Variants in GPR55 observed in about 807,000 individuals in gnomAD.
The protein encoded by GPR55 is G protein-coupled receptor 55, also known as G-protein coupled receptor 55.
A neutral mutation model predicts 7.9 loss-of-function variants in GPR55; 6 were observed. That is an observed-to-expected ratio of 0.76 (90% CI 0.41 to 1.49). The LOEUF (loss-of-function observed/expected upper bound fraction) is 1.49. Ranked by LOEUF, GPR55 falls within the 40% of genes most tolerant of loss-of-function variation. GPR55 has a pLI of 0.01. For missense variants in GPR55, 376 were observed against 406.0 expected (o/e 0.93, Z 0.63); for synonymous variants, 183 against 166.8 (o/e 1.10, Z -0.75).
At chr2:230,938,235 C>T (rs913975347) in intron 1 of GPR55, among the ~76,000 whole-genome samples, 2 of 149,644 alleles carry the variant, frequency 1.3e-5, no homozygotes, top group African/African-American at 4.9e-5. Flanking sequence ...TAAAAAGAAG[C>T]CGGCCAGGCA....
intron 1 of GPR55, among the ~76,000 whole-genome samples, chr2:230,953,614 G>A (rs951518755): frequency 2.0e-5 from 3 of 152,170 alleles, no homozygotes; most frequent in African/African-American, 7.2e-5. Flanking sequence ...TAATAAATTT[G>A]TGTTATTTTA....
At chr2:230,935,734 G>T (rs769516242) in intron 1 of GPR55, among the ~76,000 whole-genome samples, 5 of 152,340 alleles carry the variant, frequency 3.3e-5, no homozygotes, top group Admixed American at 2.0e-4. Flanking sequence ...TGGAGATACA[G>T]GTTCAGTATC....
At chr2:230,925,656 G>A (rs758439322), upstream of GPR55, among the ~76,000 whole-genome samples, 44 of 152,276 alleles carry the variant, frequency 2.9e-4, no homozygotes, top group Admixed American at 7.2e-4. Context: ...CACTTTGGGG[G>A]TTTAGGATTT....
chr2:230,940,004 A>G (rs993571626), intron 1 of GPR55, among the ~76,000 whole-genome samples: 6 of 152,114 alleles, frequency 3.9e-5, no homozygotes, highest in Admixed American at 2.0e-4. Context: ...TGCCACCCCC[A>G]GTAGGCCCAA....
intron 1 of GPR55, among the ~76,000 whole-genome samples, chr2:230,917,063 T>C (rs1341535965): frequency 6.6e-6 from 1 of 152,220 alleles, no homozygotes; most frequent in Non-Finnish European, 1.5e-5. Flanking sequence ...ATAACTAGCC[T>C]TGTAGAATTG....
intron 1 of GPR55, among the ~76,000 whole-genome samples, chr2:230,931,979 C>G (rs1021372178): frequency 6.6e-6 from 1 of 152,118 alleles, no homozygotes; most frequent in Non-Finnish European, 1.5e-5. Context: ...CACCCCAGCC[C>G]GGTCCCGTCG....
upstream of GPR55, among the ~76,000 whole-genome samples, chr2:230,929,196 C>T (rs535804192): frequency 7.9e-5 from 12 of 152,200 alleles, no homozygotes; most frequent in African/African-American, 2.4e-4. Context: ...CTCCCCTGCA[C>T]GGTCAGCTGG....
intron 1 of GPR55, among the ~76,000 whole-genome samples, chr2:230,930,339 G>A (rs1029925818): frequency 1.4e-4 from 21 of 152,094 alleles, no homozygotes; most frequent in African/African-American, 5.1e-4. Flanking sequence ...TTCCACTTTA[G>A]CTATTGAATT....
intron 1 of GPR55, among the ~76,000 whole-genome samples, chr2:230,933,310 C>T (rs777577619): frequency 4.6e-5 from 7 of 152,146 alleles, no homozygotes; most frequent in Non-Finnish European, 8.8e-5. Context: ...CTCCACTGCC[C>T]CATCTCCCTC....
chr2:230,920,015 A>G (rs775304619), intron 1 of GPR55, among the ~76,000 whole-genome samples: 32 of 151,492 alleles, frequency 2.1e-4, no homozygotes, highest in Non-Finnish European at 3.7e-4. Flanking sequence ...AAAGATTTCT[A>G]CATCCCAACC....
intron 1 of GPR55, among the ~76,000 whole-genome samples, chr2:230,959,865 A>G (rs1691542869): frequency 6.6e-6 from 1 of 152,204 alleles, no homozygotes; most frequent in Non-Finnish European, 1.5e-5. Flanking sequence ...TTCCCAAGTT[A>G]TCTACAATGC....
intron 1 of GPR55, among the ~76,000 whole-genome samples, chr2:230,948,520 C>A (rs1330377576): frequency 6.6e-6 from 1 of 152,202 alleles, no homozygotes. Flanking sequence ...ATAGAACCTA[C>A]TTTCTCTCGT....
chr2:230,941,253 G>A (rs1691228857), intron 1 of GPR55, among the ~76,000 whole-genome samples: 1 of 152,032 alleles, frequency 6.6e-6, no homozygotes, highest in South Asian at 2.1e-4. Context: ...CAGGAGTGCG[G>A]TCCTGACCTG....
At chr2:230,928,978 C>A (rs543733827), upstream of GPR55, among the ~76,000 whole-genome samples, 3 of 152,164 alleles carry the variant, frequency 2.0e-5, no homozygotes, top group African/African-American at 7.2e-5. Context: ...CCCATTCTGC[C>A]GGGAACACTT....
chr2:230,917,956 C>T (rs1453512468), intron 1 of GPR55, among the ~76,000 whole-genome samples: 1 of 151,540 alleles, frequency 6.6e-6, no homozygotes, highest in Admixed American at 6.6e-5. Flanking sequence ...TCACAGGATA[C>T]AGCCAAAACT....
chr2:230,960,791 C>G (rs552189655), exon 1 of GPR55: 8 of 152,328 alleles, frequency 5.3e-5, no homozygotes, highest in African/African-American at 1.9e-4. Flanking sequence ...GAAGCAGAAG[C>G]CACCCAGGAG....
chr2:230,936,750 G>A (rs1175131100), intron 1 of GPR55, among the ~76,000 whole-genome samples: 1 of 152,142 alleles, frequency 6.6e-6, no homozygotes, highest in African/African-American at 2.4e-5. Context: ...CTTGAGGCCA[G>A]GATTATCCCC....
intron 1 of GPR55, among the ~76,000 whole-genome samples, chr2:230,914,515 C>A (rs1300465726): frequency 1.3e-5 from 2 of 151,206 alleles, no homozygotes; most frequent in Non-Finnish European, 2.9e-5. Context: ...TTTTTAGAGT[C>A]TTTTTCAAAA....
chr2:230,958,071 GTAATAAATAAAGAAAGAAAGGAA>G (rs1691518986), intron 1 of GPR55: 1 of 257,660 alleles, frequency 3.9e-6, no homozygotes, highest in East Asian at 1.1e-4. Flanking sequence ...AGTTTAAGTT[GTAATAAATAAAGAAAGAAAGGAA>G]GAAAATTTTT....
Sources: gnomAD v4.1 joint callset for allele counts (sites outside exome capture counted in the v4.1 genomes callset) on GRCh38, gnomAD v4.1.1 for gene constraint, MANE v1.5 for transcripts, NCBI Gene and HGNC (gene_info 2026-07-23, HGNC 2026-07-21) for gene names.